The following NAALADL2 variants were observed in gnomAD, a reference collection of about 807,000 sequenced individuals.
NAALADL2 encodes the protein N-acetylated alpha-linked acidic dipeptidase like 2.
NAALADL2 carries 76 observed loss-of-function variants against 87.2 expected under a neutral mutation model. That is an observed-to-expected ratio of 0.87 (90% CI 0.72 to 1.05). The LOEUF (loss-of-function observed/expected upper bound fraction) is 1.05. Ranked by LOEUF, NAALADL2 falls within the 50% of genes least tolerant of loss-of-function variation. The probability of loss-of-function intolerance (pLI) is 0.00; values close to 1 mark genes in which losing one functional copy is unlikely to be tolerated. For synonymous variants in NAALADL2, 354 were observed against 331.0 expected (o/e 1.07, Z -0.75); for missense variants, 1,089 against 945.8 (o/e 1.15, Z -1.99).
intron 5 of NAALADL2, among the ~76,000 whole-genome samples, chr3:175,418,868 T>C (rs6773706): frequency 0.75 from 114,350 of 151,916 alleles, 43,261 homozygotes; most frequent in East Asian, 0.87. Flanking sequence ...AGTTTTAAAG[T>C]TTGTGTTGAG....
chr3:175,506,938 G>A (rs974332493), intron 9 of NAALADL2, among the ~76,000 whole-genome samples: 3 of 152,012 alleles, frequency 2.0e-5, no homozygotes, highest in Non-Finnish European at 4.4e-5. Flanking sequence ...TGACATGCAC[G>A]GGACATGTCA....
chr3:175,030,012 G>A (rs753142737), intron 1 of NAALADL2, among the ~76,000 whole-genome samples: 10 of 152,082 alleles, frequency 6.6e-5, no homozygotes, highest in African/African-American at 9.7e-5. Context: ...CAGCGTGTTC[G>A]TAAGTATTAC....
chr3:175,510,137 A>C (rs1730956172), intron 9 of NAALADL2, among the ~76,000 whole-genome samples: 1 of 151,916 alleles, frequency 6.6e-6, no homozygotes, highest in Non-Finnish European at 1.5e-5. Flanking sequence ...ACTGAGAATG[A>C]TGATGAGGCC....
chr3:175,324,812 TAAGA>T (rs1012601295), intron 5 of NAALADL2, among the ~76,000 whole-genome samples: 1 of 152,218 alleles, frequency 6.6e-6, no homozygotes, highest in African/African-American at 2.4e-5. Context: ...CTGGCTGTCT[TAAGA>T]GAAGGGACCT....
At chr3:175,092,204 GTATT>G (rs1232677040) in intron 1 of NAALADL2, among the ~76,000 whole-genome samples, 3 of 150,050 alleles carry the variant, frequency 2.0e-5, no homozygotes, top group Admixed American at 1.3e-4. Context: ...TAAATTTTAA[GTATT>G]TAAGCATAAG....
intron 1 of NAALADL2, among the ~76,000 whole-genome samples, chr3:174,965,343 TATTCTC>T (rs1451353881): frequency 6.6e-6 from 1 of 152,048 alleles, no homozygotes; most frequent in African/African-American, 2.4e-5. Flanking sequence ...TTTGATGACT[TATTCTC>T]AGAAGTTACA....
chr3:175,036,251 T>C (rs2108941211), intron 1 of NAALADL2, among the ~76,000 whole-genome samples: 1 of 152,274 alleles, frequency 6.6e-6, no homozygotes, highest in African/African-American at 2.4e-5. Context: ...TGTATATTTA[T>C]ATCTTTTCTA....
intron 4 of NAALADL2, among the ~76,000 whole-genome samples, chr3:175,305,618 G>T (rs996597066): frequency 1.3e-5 from 2 of 152,102 alleles, no homozygotes; most frequent in Admixed American, 6.5e-5. Flanking sequence ...CACCTCCTCG[G>T]TTCAAGTGAT....
intron 2 of NAALADL2, among the ~76,000 whole-genome samples, chr3:174,710,605 G>T (rs1465272580): frequency 6.6e-6 from 1 of 152,104 alleles, no homozygotes; most frequent in Non-Finnish European, 1.5e-5. Context: ...AGACGAGGAA[G>T]TTAGTGATGA....
intron 2 of NAALADL2, among the ~76,000 whole-genome samples, chr3:175,110,717 A>G (rs1176289297): frequency 6.6e-6 from 1 of 151,870 alleles, no homozygotes; most frequent in Non-Finnish European, 1.5e-5. Context: ...TGATATTACT[A>G]CAATAACCTA....
intron 3 of NAALADL2, among the ~76,000 whole-genome samples, chr3:174,838,848 C>CG (rs1723677596): frequency 6.6e-6 from 1 of 152,010 alleles, no homozygotes. Flanking sequence ...AAATCATAGA[C>CG]GACACAAGCA....
At chr3:174,726,304 T>C (rs13314647) in intron 2 of NAALADL2, among the ~76,000 whole-genome samples, 2,143 of 152,216 alleles carry the variant, frequency 0.014, 61 homozygotes, top group African/African-American at 0.05. Context: ...GGCACATCAT[T>C]GTCAACCCCA....
At chr3:174,545,624 C>A (rs1430225194) in intron 1 of NAALADL2, among the ~76,000 whole-genome samples, 1 of 151,892 alleles carries the variant, frequency 6.6e-6, no homozygotes, top group East Asian at 1.9e-4. Flanking sequence ...TATCTATATG[C>A]CTTTTCAAAC....
intron 9 of NAALADL2, among the ~76,000 whole-genome samples, chr3:175,536,981 C>CA (rs200286548): frequency 0.016 from 2,365 of 147,968 alleles, 61 homozygotes; most frequent in Admixed American, 0.06. Flanking sequence ...GACTCCGTCT[C>CA]AAAAAAAAAA....
chr3:174,478,340 A>G (rs1378956596), intron 1 of NAALADL2, among the ~76,000 whole-genome samples: 2 of 152,302 alleles, frequency 1.3e-5, no homozygotes, highest in East Asian at 3.9e-4. Context: ...CTGAGAGTTT[A>G]AGAATTACAA....
At chr3:175,241,602 AT>A (rs1040999872) in intron 3 of NAALADL2, among the ~76,000 whole-genome samples, 1 of 152,150 alleles carries the variant, frequency 6.6e-6, no homozygotes, top group Non-Finnish European at 1.5e-5. Context: ...TTTTCCCTGT[AT>A]TTAAAATTTA....
intron 2 of NAALADL2, among the ~76,000 whole-genome samples, chr3:174,718,148 A>G (rs1365825073): frequency 6.6e-6 from 1 of 152,152 alleles, no homozygotes; most frequent in Non-Finnish European, 1.5e-5. Flanking sequence ...ATGAAACAAA[A>G]AGGAAATCTC....
intron 13 of NAALADL2, among the ~76,000 whole-genome samples, chr3:175,762,988 A>G (rs1055626154): frequency 6.6e-6 from 1 of 152,140 alleles, no homozygotes; most frequent in South Asian, 2.1e-4. Flanking sequence ...GGAAGCTGAG[A>G]CAGGAGAATG....
intron 2 of NAALADL2, among the ~76,000 whole-genome samples, chr3:175,220,898 A>C (rs1409215818): frequency 6.6e-6 from 1 of 152,070 alleles, no homozygotes; most frequent in Non-Finnish European, 1.5e-5. Context: ...ATTATCATTC[A>C]TTTCAAGATA....
Sources: gnomAD v4.1 joint callset for allele counts (sites outside exome capture counted in the v4.1 genomes callset) on GRCh38, gnomAD v4.1.1 for gene constraint, MANE v1.5 for transcripts, NCBI Gene and HGNC (gene_info 2026-07-23, HGNC 2026-07-21) for gene names.